The following ZRANB3 variants were observed in gnomAD, a reference collection of about 807,000 sequenced individuals.
The protein encoded by ZRANB3 is DNA annealing helicase and endonuclease ZRANB3.
A neutral mutation model predicts 133.8 loss-of-function variants in ZRANB3; 125 were observed. The ratio of observed to expected loss-of-function variants is 0.93; its 90% CI spans 0.81 to 1.08. The LOEUF is 1.08. Ranked by LOEUF, ZRANB3 falls within the 50% of genes least tolerant of loss-of-function variation. The pLI is 0.00. For synonymous variants in ZRANB3, 387 were observed against 432.7 expected (o/e 0.89, Z 1.31); for missense variants, 1,229 against 1,275.5 (o/e 0.96, Z 0.56).
At chr2:135,313,737 T>A in intron 7 of ZRANB3, 132 bp from the exon 8 acceptor site, 1 of 528,492 alleles carries the variant, frequency 1.9e-6, no homozygotes, top group Non-Finnish European at 3.2e-6. Context: ...CCCCAAAGAT[T>A]CCAACATGTT....
intron 3 of ZRANB3, among the ~76,000 whole-genome samples, chr2:135,378,775 C>T (rs1686546902): frequency 1.3e-5 from 2 of 152,120 alleles, no homozygotes; most frequent in African/African-American, 4.8e-5. Flanking sequence ...AGTATAACCA[C>T]AAGGAAAGTA....
At chr2:135,309,322 C>T (rs139177333) in intron 8 of ZRANB3, among the ~76,000 whole-genome samples, 3 of 152,182 alleles carry the variant, frequency 2.0e-5, no homozygotes, top group East Asian at 3.9e-4. Flanking sequence ...AAATGCCTTC[C>T]CCCTAAGATT....
chr2:135,509,102 A>G lies in ZRANB3; in HGVS notation c.-7-4606T>C, dbSNP rs531946984. On this transcript the variant is annotated intron_variant, in intron 1 of 20. Transcript: ENST00000264159. ...CATTGACCATTTCCAAGAAACACCC[A>G]CTGCATGCCCACCAATGAAAGAGAA... Among the ~76,000 whole-genome samples the G allele has an allele frequency of 2.2e-4, 33 of 152,226 alleles. No homozygotes were observed. The South Asian group carries it at 5.8e-3, about 27-fold the overall frequency.
At chr2:135,297,273 A>G (rs1365325564) in intron 8 of ZRANB3, among the ~76,000 whole-genome samples, 2 of 152,264 alleles carry the variant, frequency 1.3e-5, no homozygotes, top group Admixed American at 1.3e-4. Flanking sequence ...AGCCTTGGCA[A>G]TGGGGGGCAC....
At chr2:135,207,873 A>C in intron 18 of ZRANB3, 37 bp from the exon 19 acceptor site, 1 of 1,551,026 alleles carries the variant, frequency 6.4e-7, no homozygotes, top group Non-Finnish European at 8.7e-7. Context: ...GTAACTAATG[A>C]ATGATTAGGC....
At chr2:135,450,515 G>GC (rs1335610734) in intron 2 of ZRANB3, among the ~76,000 whole-genome samples, 14 of 152,154 alleles carry the variant, frequency 9.2e-5, no homozygotes, top group Admixed American at 7.2e-4. Flanking sequence ...TTAAACTGAA[G>GC]CAATTGAGCT....
At chr2:135,422,490 G>A (rs923103576) in intron 2 of ZRANB3, among the ~76,000 whole-genome samples, 15 of 151,944 alleles carry the variant, frequency 9.9e-5, no homozygotes, top group African/African-American at 2.7e-4. Flanking sequence ...TAAAAAAGGC[G>A]GGGGGCAGGG....
In ZRANB3 at chr2:135,265,547, G is replaced by T. The variant is rs376332472; in HGVS notation, c.1526C>A (p.Ala509Asp). 7 of 1,612,840 alleles carry T rather than the reference G, an allele frequency of 4.3e-6. No homozygotes were observed. The highest frequency in any genetic ancestry group is 4.2e-6 in the Non-Finnish European group (5 of 1,179,460). The stretch of plus-strand genomic sequence containing the variant: ...ATATAATCTTACGTGAGTGAACAAA[G>T]CTTCCTTCCTTAACTCTTCAGAACT... ...NDSSEELRKE[A>D]LFTHFEKEKQ... Residue 509 changes from alanine (A) to aspartate (D), a missense_variant, in exon 12 of 21, where the codon GCT (alanine) becomes GAT (aspartate). Ala to Asp is a moderately radical substitution (Grantham distance 126, BLOSUM62 -2). Transcript: ENST00000264159.
intron 1 of ZRANB3, among the ~76,000 whole-genome samples, chr2:135,520,857 C>G (rs1253062462): frequency 6.6e-6 from 1 of 151,904 alleles, no homozygotes; most frequent in Non-Finnish European, 1.5e-5. Flanking sequence ...CAAGGCTGGT[C>G]TGGAACTCCT....
At chr2:135,419,929 G>A (rs1374730846) in intron 2 of ZRANB3, among the ~76,000 whole-genome samples, 1 of 151,228 alleles carries the variant, frequency 6.6e-6, no homozygotes, top group Non-Finnish European at 1.5e-5. Context: ...GTTAGGTTTT[G>A]TCTTTGATAG....
At chr2:135,261,527 G>C (rs1009183701) in intron 12 of ZRANB3, among the ~76,000 whole-genome samples, 1 of 152,160 alleles carries the variant, frequency 6.6e-6, no homozygotes, top group Non-Finnish European at 1.5e-5. Flanking sequence ...TCTGTATAAA[G>C]ACAAGTATTG....
Position 135,197,361 on chromosome 2 carries a change from A to G in ZRANB3, c.*2981T>C, listed in dbSNP as rs185469187. 1.3e-5 allele frequency: 2 copies of G among 152,318 alleles called. No homozygotes were observed. Among genetic ancestry groups the G allele is most frequent in the Admixed American group, 6.5e-5 (1 of 15,304 alleles). The allele number at this position is 152,318 out of a possible 1,614,324, so 9.4% of individuals were successfully genotyped here. On this transcript the variant is annotated 3_prime_UTR_variant, in exon 21 of 21. Coordinates refer to ENST00000264159, the MANE Select transcript of ZRANB3 (RefSeq NM_032143.4). ...TAAAATGCCTCATACTTTTATTTCT[A>G]AAGAAACTACATTTTAAATGTTTCA...
At chr2:135,201,563 G>C (rs1309055747) in intron 20 of ZRANB3, among the ~76,000 whole-genome samples, 7 of 151,000 alleles carry the variant, frequency 4.6e-5, no homozygotes, top group Non-Finnish European at 8.8e-5. Flanking sequence ...TGAGGTAGGA[G>C]AATCAGCTTG....
intron 1 of ZRANB3, among the ~76,000 whole-genome samples, chr2:135,509,283 A>ATT (rs1693336477): frequency 6.6e-6 from 1 of 152,172 alleles, no homozygotes; most frequent in Non-Finnish European, 1.5e-5. Flanking sequence ...CTTACTACAA[A>ATT]TGCTGAACCA....
chr2:135,347,182 G>A (rs1230357015), intron 5 of ZRANB3, among the ~76,000 whole-genome samples: 2 of 151,874 alleles, frequency 1.3e-5, no homozygotes, highest in African/African-American at 4.8e-5. Flanking sequence ...TTATACATTC[G>A]TCAACTGATG....
intron 3 of ZRANB3, among the ~76,000 whole-genome samples, chr2:135,359,701 A>G (rs16831566): frequency 0.069 from 10,497 of 152,236 alleles, 754 homozygotes; most frequent in African/African-American, 0.19. Context: ...ATCATACCCT[A>G]TGGTATTAGG....
At chr2:135,463,142 AC>A (rs1690835013) in intron 2 of ZRANB3, among the ~76,000 whole-genome samples, 2 of 152,220 alleles carry the variant, frequency 1.3e-5, no homozygotes, top group South Asian at 4.1e-4. Context: ...AGCCTGGGGA[AC>A]ACAGTGAGAC....
intron 3 of ZRANB3, among the ~76,000 whole-genome samples, chr2:135,371,701 A>T (rs1686188080): frequency 6.6e-6 from 1 of 152,126 alleles, no homozygotes; most frequent in South Asian, 2.1e-4. Flanking sequence ...AACCAAGAAT[A>T]CTCTATGCTA....
intron 2 of ZRANB3, among the ~76,000 whole-genome samples, chr2:135,412,754 C>T (rs913824342): frequency 2.2e-4 from 33 of 152,032 alleles, no homozygotes; most frequent in African/African-American, 7.5e-4. Flanking sequence ...AGACTATTTC[C>T]TGTTTTGTTC....
Sources: gnomAD v4.1 joint callset for allele counts (sites outside exome capture counted in the v4.1 genomes callset) on GRCh38, gnomAD v4.1.1 for gene constraint, MANE v1.5 for transcripts, NCBI Gene and HGNC (gene_info 2026-07-23, HGNC 2026-07-21) for gene names.